The following SDK1 variants were observed in gnomAD, a reference collection of about 807,000 sequenced individuals.
SDK1 encodes the protein sidekick cell adhesion molecule 1.
SDK1 carries 157 observed loss-of-function variants against 245.5 expected under a neutral mutation model. That is an observed-to-expected ratio of 0.64 (90% CI 0.56 to 0.73). The LOEUF is 0.73. SDK1 is among the 30% of genes least tolerant of loss of function. The pLI is 0.00. For synonymous variants in SDK1, 1,647 were observed against 1,278.5 expected, an observed-to-expected ratio of 1.29 and a Z score of -6.15; for missense variants, 3,583 against 3,002.3, an observed-to-expected ratio of 1.19 and a Z score of -4.52.
At chr7:3,387,681 T>C (rs558859526) in intron 1 of SDK1, among the ~76,000 whole-genome samples, 1 of 152,370 alleles carries the variant, frequency 6.6e-6, no homozygotes, top group Non-Finnish European at 1.5e-5. Context: ...TGAATGTATG[T>C]AGTATCACTG....
In SDK1 at chr7:4,206,404, C is replaced by G. The variant is rs536668316; in HGVS notation, c.5214+410C>G. Reference sequence around the variant, plus strand: ...ACCAGGCTCCCCATCCCAGCTCCCCCCTTGGTCACAGTTGGACACTGAGTG... The same window carrying G: ...ACCAGGCTCCCCATCCCAGCTCCCCGCTTGGTCACAGTTGGACACTGAGTG... On this transcript the variant is annotated intron_variant, in intron 36 of 44. Transcript: ENST00000404826. Among the ~76,000 whole-genome samples the G allele has an allele frequency of 7.9e-5, 12 of 152,324 alleles. No individual in the cohort carries two copies. In the East Asian group the frequency reaches 1.7e-3, roughly 22 times the overall value.
chr7:3,542,077 A>T (rs1779069240), intron 1 of SDK1, among the ~76,000 whole-genome samples: 1 of 152,202 alleles, frequency 6.6e-6, no homozygotes, highest in African/African-American at 2.4e-5. Context: ...ACACAATTAT[A>T]TTTTAACGTA....
chr7:4,096,478 A>C lies in SDK1; in HGVS notation c.3325-14185A>C, dbSNP rs147039037. Among the ~76,000 whole-genome samples, 266 of 152,268 alleles carry C rather than the reference A, an allele frequency of 1.7e-3. 1 individual carries two copies. Among genetic ancestry groups the C allele is most frequent in the African/African-American group, 6.0e-3 (251 of 41,562 alleles). On this transcript the variant is annotated intron_variant, in intron 22 of 44. Transcript: ENST00000404826. ...GATGGAGAACAGAGGCTAGGGGCCA[A>C]CTATACCGGGATGGGTCGTGGGACC...
intron 5 of SDK1, among the ~76,000 whole-genome samples, chr7:3,932,800 A>G (rs1780023732): frequency 6.6e-6 from 1 of 152,158 alleles, no homozygotes; most frequent in African/African-American, 2.4e-5. Context: ...ATTCCCAGAG[A>G]TAGACAGGAG....
At chr7:3,492,422 A>G (rs1781891657) in intron 1 of SDK1, among the ~76,000 whole-genome samples, 1 of 152,230 alleles carries the variant, frequency 6.6e-6, no homozygotes, top group Admixed American at 6.5e-5. Flanking sequence ...TGAACCGGCA[A>G]GGTGGAGCTT....
At chr7:4,053,084 C>G (rs1778977976) in intron 19 of SDK1, among the ~76,000 whole-genome samples, 1 of 120,972 alleles carries the variant, frequency 8.3e-6, no homozygotes, top group Non-Finnish European at 1.6e-5. Flanking sequence ...GAGACTCTGT[C>G]TCAAAAAAAA....
intron 44 of SDK1, among the ~76,000 whole-genome samples, chr7:4,248,354 A>ATG (rs879314208): frequency 0.22 from 32,955 of 151,672 alleles, 3,849 homozygotes; most frequent in Non-Finnish European, 0.26. Flanking sequence ...ATGCACACAC[A>ATG]CGTTTACCTA....
chr7:3,401,752 T>G (rs1392256258), intron 1 of SDK1, among the ~76,000 whole-genome samples: 4 of 152,194 alleles, frequency 2.6e-5, no homozygotes, highest in African/African-American at 9.7e-5. Context: ...CTACTAGTAT[T>G]AGAATGTATG....
At chr7:3,795,998 T>G (rs528779333) in intron 4 of SDK1, among the ~76,000 whole-genome samples, 3 of 152,340 alleles carry the variant, frequency 2.0e-5, no homozygotes, top group African/African-American at 7.2e-5. Context: ...ATCTTTGGCT[T>G]TAAAAATCGT....
chr7:3,860,664 G>C (rs1343982929), intron 5 of SDK1, among the ~76,000 whole-genome samples: 1 of 152,042 alleles, frequency 6.6e-6, no homozygotes, highest in African/African-American at 2.4e-5. Context: ...GGCCCAGAGA[G>C]ACATTAAAAT....
At chr7:3,877,788 A>G (rs1781110928) in intron 5 of SDK1, among the ~76,000 whole-genome samples, 1 of 152,238 alleles carries the variant, frequency 6.6e-6, no homozygotes, top group Non-Finnish European at 1.5e-5. Context: ...TCAGTGCTCT[A>G]TCACAGACAT....
At chr7:3,738,547 A>G (rs995165748) in intron 4 of SDK1, among the ~76,000 whole-genome samples, 2 of 152,162 alleles carry the variant, frequency 1.3e-5, no homozygotes, top group Non-Finnish European at 2.9e-5. Flanking sequence ...TAAATTCCAT[A>G]TGGCTTTTTT....
chr7:3,619,022 T>A, intron 1 of SDK1, 58 bp from the exon 2 acceptor site: 1 of 1,301,064 alleles, frequency 7.7e-7, no homozygotes, highest in Non-Finnish European at 1.1e-6. Context: ...TTAAATTAGA[T>A]GAGTGCCACT....
intron 5 of SDK1, among the ~76,000 whole-genome samples, chr7:3,926,864 C>T (rs947645855): frequency 3.9e-5 from 6 of 152,326 alleles, no homozygotes; most frequent in Non-Finnish European, 7.3e-5. Flanking sequence ...ACCTGTAAAA[C>T]AGGAACCACA....
intron 1 of SDK1, among the ~76,000 whole-genome samples, chr7:3,617,914 T>A (rs904174499): frequency 3.9e-5 from 6 of 152,134 alleles, no homozygotes; most frequent in Non-Finnish European, 8.8e-5. Context: ...TGGGTTTAAA[T>A]GTGCAAGAAG....
rs1788494059 is a variant in SDK1, at chr7:4,266,735, G to GCCCGGGT, written c.*1360_*1366dup. The GCCCGGGT allele has an allele frequency of 4.1e-6, 4 of 985,472 alleles. No individual in the cohort carries two copies. In the South Asian group the frequency reaches 1.4e-4, roughly 35 times the overall value. The allele number at this position is 985,472 out of a possible 1,614,324, so 61.0% of individuals were successfully genotyped here. A position where few individuals can be genotyped will look rare whatever the true frequency, so the allele number is the denominator to read the frequency against. On this transcript the variant is annotated 3_prime_UTR_variant, in exon 45 of 45. Transcript: ENST00000404826. The stretch of plus-strand genomic sequence containing the variant: ...CTGGGCTGCCATGGTCCACCCCTCA[G>GCCCGGGT]CCCGGGTCCCGGGTCTGGATGGAAC...
At chr7:4,051,881 T>C (rs369866530) in intron 19 of SDK1, 51 bp downstream of exon 19, 48 of 1,511,918 alleles carry the variant, frequency 3.2e-5, no homozygotes, top group Non-Finnish European at 4.0e-5. Context: ...AAGAGGTGTA[T>C]ACCGCTGCAA....
intron 1 of SDK1, among the ~76,000 whole-genome samples, chr7:3,411,736 C>A (rs148087545): frequency 2.0e-4 from 30 of 152,108 alleles, no homozygotes; most frequent in Admixed American, 1.4e-3. Flanking sequence ...TCCTTTGTGT[C>A]TAGTCTCTCC....
intron 2 of SDK1, among the ~76,000 whole-genome samples, chr7:3,636,605 C>T (rs1782463519): frequency 6.6e-6 from 1 of 152,194 alleles, no homozygotes; most frequent in Non-Finnish European, 1.5e-5. Flanking sequence ...CGCCATTCCT[C>T]AGCAGACTCC....
Sources: allele counts gnomAD v4.1 joint callset (sites outside exome capture counted in the v4.1 genomes callset), GRCh38; gene constraint gnomAD v4.1.1; transcripts MANE v1.5; gene names NCBI Gene and HGNC (gene_info 2026-07-23, HGNC 2026-07-21).